LHX9: variants seen among roughly 807,000 people sequenced by gnomAD.
The protein encoded by LHX9 is LIM homeobox 9.
A neutral mutation model predicts 36.5 loss-of-function variants in LHX9; 9 were observed. The ratio of observed to expected loss-of-function variants is 0.25; its 90% CI spans 0.15 to 0.43. LHX9 has a LOEUF of 0.43. Ranked by LOEUF, LHX9 falls within the 20% of genes least tolerant of loss-of-function variation. LHX9 has a pLI of 1.00. For missense variants in LHX9, 464 were observed against 526.4 expected (o/e 0.88, Z 1.16); for synonymous variants, 211 against 212.1 (o/e 0.99, Z 0.04).
Position 197,929,378 on chromosome 1 carries a change from G to A in LHX9, c.*119G>A. ...TCTTCTAACCCACAAGATATTTGGG[G>A]AATAAAAATAACAGCTTGGTGTGTA... On this transcript the variant is annotated 3_prime_UTR_variant, in exon 5 of 5. Coordinates refer to ENST00000367387, the MANE Select transcript of LHX9 (RefSeq NM_020204.3). 1 of 1,189,312 alleles carries A rather than the reference G, an allele frequency of 8.4e-7. No homozygotes were observed. Among genetic ancestry groups the A allele is most frequent in the Admixed American group, 4.4e-5 (1 of 22,818 alleles). The allele number at this position is 1,189,312 out of a possible 1,614,324, so 73.7% of individuals were successfully genotyped here. A position where few individuals can be genotyped will look rare whatever the true frequency, so the allele number is the denominator to read the frequency against.
chr1:197,916,616 G>T, upstream of LHX9: 1 of 702,398 alleles, frequency 1.4e-6, no homozygotes, highest in Non-Finnish European at 2.6e-6. Context: ...ACAGGTCCAT[G>T]CCCTGTCCCC....
rs755762305 is a variant in LHX9, at chr1:197,929,051, A to G, written c.986A>G (p.Gln329Arg). 4 of 1,613,176 alleles carry G rather than the reference A, an allele frequency of 2.5e-6. No individual in the cohort carries two copies. Among genetic ancestry groups the G allele is most frequent in the Non-Finnish European group, 3.4e-6 (4 of 1,179,706 alleles). The change falls in exon 5 of 5, where the codon CAG becomes CGG. Residue 329 changes from glutamine (Q) to arginine (R), a missense_variant. Coordinates refer to ENST00000367387, the MANE Select transcript of LHX9 (RefSeq NM_020204.3). ...RAKFRRNLLR[Q>R]ENGGVDKADG... ...AAATTCAGAAGGAACCTTTTGCGGCAGGAGAATGGGGGTGTTGATAAAGCT... is the reference window on the plus strand; with the variant it reads ...AAATTCAGAAGGAACCTTTTGCGGCGGGAGAATGGGGGTGTTGATAAAGCT...
chr1:197,934,106 A>G lies in LHX9; in HGVS notation c.*4847A>G, dbSNP rs918551579. 1.3e-5 allele frequency: 2 copies of G among 152,166 alleles called. No homozygotes were observed. Among genetic ancestry groups the G allele is most frequent in the Non-Finnish European group, 2.9e-5 (2 of 68,020 alleles). 9.4% of individuals were successfully genotyped at this position (152,166 alleles called of 1,614,324 possible). A position where few individuals can be genotyped will look rare whatever the true frequency, so the allele number is the denominator to read the frequency against. Reference sequence around the variant, plus strand: ...TAGGTTTTTGATACCTCAAATAAGGATAAAACTCCATAATAAAGGACCCAA... The same window carrying G: ...TAGGTTTTTGATACCTCAAATAAGGGTAAAACTCCATAATAAAGGACCCAA... On this transcript the variant is annotated 3_prime_UTR_variant, in exon 5 of 5. Coordinates refer to ENST00000367387, the MANE Select transcript of LHX9 (RefSeq NM_020204.3).
At chr1:197,912,647 C>T (rs574113406), upstream of LHX9, 2 of 1,356,318 alleles carry the variant, frequency 1.5e-6, no homozygotes, top group South Asian at 1.2e-5. Context: ...GTGTGTGCGC[C>T]TTCGTTGGGT....
chr1:197,933,021 T>C lies in LHX9; in HGVS notation c.*3762T>C, dbSNP rs560192402. The C allele has an allele frequency of 6.6e-6, 1 of 152,090 alleles. No individual in the cohort carries two copies. Among genetic ancestry groups the C allele is most frequent in the East Asian group, 1.9e-4 (1 of 5,188 alleles). 9.4% of individuals were successfully genotyped at this position (152,090 alleles called of 1,614,324 possible). On this transcript the variant is annotated 3_prime_UTR_variant, in exon 5 of 5. Coordinates refer to ENST00000367387, the MANE Select transcript of LHX9 (RefSeq NM_020204.3). ...TGCATAGTTCAATTACATATGATTA[T>C]TACAAACAAAAAAGCAAATGGAAAG... is the stretch of plus-strand genomic sequence containing the variant.
In LHX9 at chr1:197,917,602, TCTC is replaced by T. The variant is rs1265563433; in HGVS notation, c.-219_-217del. On this transcript the variant is annotated 5_prime_UTR_variant, in exon 1 of 5. Transcript: ENST00000367387. The stretch of plus-strand genomic sequence containing the variant: ...GCCCGAATTGTTTGTTTTCTGCACA[TCTC>T]CTTCAGGGAGCCGCTGAGGCTTCCC... The T allele has an allele frequency of 2.0e-6, 3 of 1,511,072 alleles. No individual in the cohort carries two copies. Among genetic ancestry groups the T allele is most frequent in the African/African-American group, 1.4e-5 (1 of 71,186 alleles). 93.6% of individuals were successfully genotyped at this position (1,511,072 alleles called of 1,614,324 possible).
rs1427740978 is a variant in LHX9 at position 197,932,100 on chromosome 1, C to G, written c.*2841C>G. On this transcript the variant is annotated 3_prime_UTR_variant, in exon 5 of 5. Coordinates refer to ENST00000367387, the MANE Select transcript of LHX9 (RefSeq NM_020204.3). ...CCAAAAAAAAAGAGAGAGAGAGAGA[C>G]TTAAATGTCATTTACTGAATGTTAA... 5 of 649,352 alleles carry G rather than the reference C, an allele frequency of 7.7e-6. No individual in the cohort carries two copies. The South Asian group carries it at 1.2e-4, about 16-fold the overall frequency. 40.2% of individuals were successfully genotyped at this position (649,352 alleles called of 1,614,324 possible). A position where few individuals can be genotyped will look rare whatever the true frequency, so the allele number is the denominator to read the frequency against.
In LHX9 at chr1:197,932,574, T is replaced by C. The variant is rs1660355411; in HGVS notation, c.*3315T>C. On this transcript the variant is annotated 3_prime_UTR_variant, in exon 5 of 5. Transcript: ENST00000367387. ...GATAAATAGCTTTCATTAATAAACA[T>C]TTATTTGATGCAAACATAGTTAACT... 6.6e-6 allele frequency: 1 copy of C among 152,114 alleles called. No homozygotes were observed. The highest frequency in any genetic ancestry group is 1.5e-5 in the Non-Finnish European group (1 of 67,944). 9.4% of individuals were successfully genotyped at this position (152,114 alleles called of 1,614,324 possible).
intron 1 of LHX9, 50 bp downstream of exon 1, chr1:197,918,047 G>T: frequency 6.4e-7 from 1 of 1,574,754 alleles, no homozygotes. Context: ...TGCGCCCTCT[G>T]TTAAACCAAG....
rs1660246941 is a variant in LHX9 at position 197,929,174 on chromosome 1, T to C, written c.1109T>C (p.Ile370Thr). ...TTLTDLTNPT[I>T]TVVTSVTSNM... ...TTAACAGACCTGACCAATCCCACTA[T>C]CACTGTAGTGACATCCGTGACCTCT... The change falls in exon 5 of 5, where the codon ATC (isoleucine) becomes ACC (threonine). Residue 370 changes from isoleucine (I) to threonine (T), a missense_variant. Coordinates refer to ENST00000367387, the MANE Select transcript of LHX9 (RefSeq NM_020204.3). 9 of 1,611,272 alleles carry C rather than the reference T, an allele frequency of 5.6e-6. No individual in the cohort carries two copies. Among genetic ancestry groups the C allele is most frequent in the Non-Finnish European group, 7.6e-6 (9 of 1,179,328 alleles).
In LHX9 at chr1:197,929,100, G is replaced by A. The variant is rs1417414823; in HGVS notation, c.1035G>A (p.Pro345=). ...CTGACGGCACGTCGCTTCCGGCCCC[G>A]CCCTCAGCAGACAGCGGAGCTCTCA... ...DKADGTSLPA[P]PSADSGALTP... Residue 345 remains proline (P), a synonymous_variant, in exon 5 of 5, where the codon CCG becomes CCA. Coordinates refer to ENST00000367387, the MANE Select transcript of LHX9 (RefSeq NM_020204.3). 6 of 1,613,474 alleles carry A rather than the reference G, an allele frequency of 3.7e-6. No individual in the cohort carries two copies. Among genetic ancestry groups the A allele is most frequent in the African/African-American group, 1.3e-5 (1 of 74,870 alleles).
At chr1:197,927,296 T>C (rs1413444651) in intron 3 of LHX9, among the ~76,000 whole-genome samples, 3 of 152,216 alleles carry the variant, frequency 2.0e-5, no homozygotes, top group African/African-American at 7.2e-5. Flanking sequence ...ACTCCCACCT[T>C]ACTACTTAGG....
intron 3 of LHX9, among the ~76,000 whole-genome samples, chr1:197,925,347 A>G (rs1209388787): frequency 1.3e-5 from 2 of 152,184 alleles, no homozygotes; most frequent in East Asian, 1.9e-4. Context: ...ATTCATTTCT[A>G]TATATTACCT....
intron 3 of LHX9, among the ~76,000 whole-genome samples, chr1:197,922,204 G>A (rs1291352824): frequency 6.6e-6 from 1 of 152,112 alleles, no homozygotes; most frequent in Non-Finnish European, 1.5e-5. Context: ...GTAGGGGTGG[G>A]AATCACTCTC....
upstream of LHX9, chr1:197,916,698 C>G (rs1659767836): frequency 1.4e-6 from 1 of 702,870 alleles, no homozygotes; most frequent in East Asian, 2.7e-5. Context: ...CTCCAAACGC[C>G]CTCTCCACTT....
intron 2 of LHX9, 111 bp downstream of exon 2, chr1:197,920,285 T>C: frequency 1.9e-6 from 2 of 1,079,022 alleles, no homozygotes; most frequent in Non-Finnish European, 2.8e-6. Flanking sequence ...CCGGGTGCTG[T>C]TATCATTTCG....
chr1:197,918,339 A>C (rs1174005118), intron 1 of LHX9: 1 of 717,354 alleles, frequency 1.4e-6, no homozygotes, highest in Non-Finnish European at 2.6e-6. Flanking sequence ...GAGGATCCGC[A>C]GCTCCGAGGG....
At chr1:197,926,793 C>A (rs956708144) in intron 3 of LHX9, among the ~76,000 whole-genome samples, 1 of 151,998 alleles carries the variant, frequency 6.6e-6, no homozygotes, top group South Asian at 2.1e-4. Flanking sequence ...AGGCGTGAAC[C>A]GTGTGAAGGG....
In LHX9 at chr1:197,917,612, G is replaced by A. The variant is rs111613412; in HGVS notation, c.-212G>A. 1 of 1,511,412 alleles carries A rather than the reference G, an allele frequency of 6.6e-7. No homozygotes were observed. The highest frequency in any genetic ancestry group is 2.5e-5 in the East Asian group (1 of 39,486). The allele number at this position is 1,511,412 out of a possible 1,614,324, so 93.6% of individuals were successfully genotyped here. ...TTTGTTTTCTGCACATCTCCTTCAG[G>A]GAGCCGCTGAGGCTTCCCCCCAACT... On this transcript the variant is annotated 5_prime_UTR_variant, in exon 1 of 5. Coordinates refer to ENST00000367387, the MANE Select transcript of LHX9 (RefSeq NM_020204.3).
Sources: gnomAD v4.1 joint callset for allele counts (sites outside exome capture counted in the v4.1 genomes callset) on GRCh38, gnomAD v4.1.1 for gene constraint, MANE v1.5 for transcripts, NCBI Gene and HGNC (gene_info 2026-07-23, HGNC 2026-07-21) for gene names.